Variants in LRRC7 observed in about 807,000 individuals in gnomAD.
LRRC7 encodes leucine rich repeat containing 7.
Under a neutral mutation model 175.7 loss-of-function variants are expected in LRRC7, and 23 were observed. The ratio of observed to expected loss-of-function variants is 0.13; its 90% confidence interval spans 0.09 to 0.19. LRRC7 has a LOEUF of 0.19. Ranked by LOEUF, LRRC7 falls within the 10% of genes least tolerant of loss-of-function variation. The pLI is 1.00. For missense variants in LRRC7, 1,354 were observed against 1,904.7 expected, an observed-to-expected ratio of 0.71 and a Z score of 5.38; for synonymous variants, 685 against 680.9, an observed-to-expected ratio of 1.01 and a Z score of -0.09.
intron 4 of LRRC7, among the ~76,000 whole-genome samples, chr1:69,806,744 A>T (rs1677162135): frequency 6.6e-6 from 1 of 152,102 alleles, no homozygotes; most frequent in South Asian, 2.1e-4. Flanking sequence ...TGAGTTCATT[A>T]TGAGTTTGGT....
At chr1:69,803,943 T>A (rs1676818148) in intron 4 of LRRC7, among the ~76,000 whole-genome samples, 1 of 151,444 alleles carries the variant, frequency 6.6e-6, no homozygotes, top group Non-Finnish European at 1.5e-5. Flanking sequence ...TATTAATCTC[T>A]CAAATAGTAC....
chr1:69,641,751 T>A (rs1343474769), intron 1 of LRRC7, among the ~76,000 whole-genome samples: 1 of 151,786 alleles, frequency 6.6e-6, no homozygotes, highest in Non-Finnish European at 1.5e-5. Context: ...AAACAAATTT[T>A]AAAATATATA....
intron 7 of LRRC7, among the ~76,000 whole-genome samples, chr1:69,902,045 C>G (rs910465178): frequency 1.3e-5 from 2 of 152,124 alleles, no homozygotes; most frequent in African/African-American, 2.4e-5. Context: ...GGAACTGTGT[C>G]TGCTTTGTTA....
At chr1:69,875,788 CTG>C (rs1685990193) in intron 7 of LRRC7, among the ~76,000 whole-genome samples, 1 of 151,816 alleles carries the variant, frequency 6.6e-6, no homozygotes, top group Non-Finnish European at 1.5e-5. Flanking sequence ...TTGTATTGAA[CTG>C]TCTTTTATAA....
intron 1 of LRRC7, among the ~76,000 whole-genome samples, chr1:69,645,481 C>A (rs1005320331): frequency 6.6e-6 from 1 of 151,912 alleles, no homozygotes; most frequent in Non-Finnish European, 1.5e-5. Flanking sequence ...ACTTGACCTC[C>A]TAAATTAATA....
chr1:70,040,181 T>C (rs185713700), intron 21 of LRRC7, among the ~76,000 whole-genome samples: 244 of 152,272 alleles, frequency 1.6e-3, no homozygotes, highest in African/African-American at 5.6e-3. Flanking sequence ...AGTGGATATT[T>C]CCCCCGTTTC....
At chr1:70,061,356 A>T (rs531132570) in intron 23 of LRRC7, among the ~76,000 whole-genome samples, 2 of 152,100 alleles carry the variant, frequency 1.3e-5, no homozygotes, top group African/African-American at 4.8e-5. Context: ...TGTTTCCCTC[A>T]TCTTGTTCCC....
intron 7 of LRRC7, among the ~76,000 whole-genome samples, chr1:69,860,146 A>C (rs1426804561): frequency 1.3e-5 from 2 of 152,002 alleles, no homozygotes; most frequent in Non-Finnish European, 2.9e-5. Context: ...AAATGTTTAA[A>C]ATAGCTGAAA....
At chr1:69,961,806 C>T (rs767884665) in intron 8 of LRRC7, among the ~76,000 whole-genome samples, 17 of 152,136 alleles carry the variant, frequency 1.1e-4, no homozygotes, top group Non-Finnish European at 2.2e-4. Context: ...AGCTGGAACC[C>T]TTCCTTATAC....
rs1027161104 is a variant in LRRC7, at chr1:69,857,043, G to A, written c.647+18760G>A. On this transcript the variant is annotated intron_variant, in intron 7 of 26. Transcript: ENST00000651989. ...GGTTATCTCAATAGATGCAGAAAAG[G>A]CCTTCAACAAAATTCAACAGTCCTT... is the stretch of plus-strand genomic sequence containing the variant. 2.6e-5 allele frequency among the ~76,000 whole-genome samples: 4 copies of A among 152,156 alleles called. No individual in the cohort carries two copies. In the East Asian group the frequency reaches 5.8e-4, roughly 22 times the overall value.
intron 3 of LRRC7, among the ~76,000 whole-genome samples, chr1:69,786,187 G>A (rs1274979095): frequency 6.6e-6 from 1 of 151,974 alleles, no homozygotes; most frequent in Non-Finnish European, 1.5e-5. Context: ...CTTCTACCTG[G>A]CACTTGGGGC....
chr1:70,040,976 A>G (rs1310097206), intron 21 of LRRC7, among the ~76,000 whole-genome samples: 4 of 152,170 alleles, frequency 2.6e-5, no homozygotes, highest in Non-Finnish European at 5.9e-5. Context: ...TCAATTGACC[A>G]TCGTCATTCA....
At position 70,131,729 on chromosome 1, in the gene LRRC7, A is replaced by G. The variant is rs1299075018; in HGVS notation, c.*9842A>G. 2.0e-5 allele frequency among the ~76,000 whole-genome samples: 3 copies of G among 152,304 alleles called. No homozygotes were observed. Among genetic ancestry groups the G allele is most frequent in the Non-Finnish European group, 4.4e-5 (3 of 68,008 alleles). Reference sequence around the variant, plus strand: ...CTGTCTTTGATAGCATGATGCCTCAAACTCTCCAGGGGCCTACTCTTTGGT... The same window carrying G: ...CTGTCTTTGATAGCATGATGCCTCAGACTCTCCAGGGGCCTACTCTTTGGT... On this transcript the variant is annotated 3_prime_UTR_variant, in exon 27 of 27. Coordinates refer to ENST00000651989, the MANE Select transcript of LRRC7 (RefSeq NM_001370785.2).
At chr1:69,684,936 A>G (rs904447271) in intron 2 of LRRC7, among the ~76,000 whole-genome samples, 5 of 152,176 alleles carry the variant, frequency 3.3e-5, no homozygotes, top group Admixed American at 2.0e-4. Context: ...GGGCAGACCT[A>G]TCTGGTGGTA....
intron 4 of LRRC7, among the ~76,000 whole-genome samples, chr1:69,806,735 G>C (rs1321454208): frequency 6.6e-6 from 1 of 151,874 alleles, no homozygotes. Context: ...GTGTTGACTT[G>C]AGTTCATTAT....
At chr1:69,960,567 G>C (rs1477603997) in intron 8 of LRRC7, among the ~76,000 whole-genome samples, 2 of 150,098 alleles carry the variant, frequency 1.3e-5, no homozygotes, top group African/African-American at 4.9e-5. Flanking sequence ...TAGTTCTGAT[G>C]TTGGGTTGTT....
At chr1:70,001,003 A>G (rs975256414) in intron 11 of LRRC7, among the ~76,000 whole-genome samples, 2 of 152,270 alleles carry the variant, frequency 1.3e-5, no homozygotes, top group Admixed American at 1.3e-4. Context: ...TGTTTCTTTC[A>G]TGATACTTTT....
At chr1:70,079,448 A>G (rs1663054456) in intron 24 of LRRC7, among the ~76,000 whole-genome samples, 1 of 152,236 alleles carries the variant, frequency 6.6e-6, no homozygotes. Flanking sequence ...AAGGAGACAC[A>G]GTAAACGTGG....
chr1:69,760,793 T>C (rs1028802940), intron 3 of LRRC7, among the ~76,000 whole-genome samples: 1 of 152,104 alleles, frequency 6.6e-6, no homozygotes, highest in Admixed American at 6.6e-5. Context: ...TTGAATTGTA[T>C]GCTGTAAGTC....
Sources: allele counts gnomAD v4.1 joint callset (sites outside exome capture counted in the v4.1 genomes callset), GRCh38; gene constraint gnomAD v4.1.1; transcripts MANE v1.5; gene names NCBI Gene and HGNC (gene_info 2026-07-23, HGNC 2026-07-21).